The following MAP3K13 variants were observed in gnomAD, a reference collection of about 807,000 sequenced individuals.
The protein encoded by MAP3K13 is mitogen-activated protein kinase kinase kinase 13.
A neutral mutation model predicts 104.0 loss-of-function variants in MAP3K13; 52 were observed. The ratio of observed to expected loss-of-function variants is 0.50; its 90% CI spans 0.40 to 0.63. The LOEUF is 0.63. Among genes scored for constraint, MAP3K13 ranks in the 20% least tolerant of loss-of-function variants. The pLI, the probability that MAP3K13 is intolerant of heterozygous loss-of-function variation, is 0.00. For synonymous variants in MAP3K13, 394 were observed against 442.2 expected, an observed-to-expected ratio of 0.89 and a Z score of 1.37; for missense variants, 914 against 1,218.5, an observed-to-expected ratio of 0.75 and a Z score of 3.72.
intron 1 of MAP3K13, among the ~76,000 whole-genome samples, chr3:185,402,039 A>T (rs2108778143): frequency 6.6e-6 from 1 of 152,316 alleles, no homozygotes; most frequent in Non-Finnish European, 1.5e-5. Flanking sequence ...AGGAGATGCA[A>T]TCCATCCCCT....
intron 4 of MAP3K13, among the ~76,000 whole-genome samples, chr3:185,446,068 G>A (rs991160250): frequency 2.0e-5 from 3 of 152,154 alleles, no homozygotes; most frequent in African/African-American, 7.2e-5. Context: ...ACCAGGGCAT[G>A]GAGGATGGTA....
At chr3:185,324,458 C>A (rs1387349889) in intron 2 of MAP3K13, among the ~76,000 whole-genome samples, 1 of 151,990 alleles carries the variant, frequency 6.6e-6, no homozygotes, top group Non-Finnish European at 1.5e-5. Context: ...TGATTCCTCC[C>A]ATTTTCTGAT....
At chr3:185,405,393 CGTT>C (rs1367707385) in intron 1 of MAP3K13, among the ~76,000 whole-genome samples, 1 of 152,200 alleles carries the variant, frequency 6.6e-6, no homozygotes, top group Non-Finnish European at 1.5e-5. Flanking sequence ...AAAAGAGACT[CGTT>C]AGCCCAGCAT....
At chr3:185,333,347 T>G (rs761172445) in intron 2 of MAP3K13, among the ~76,000 whole-genome samples, 5 of 152,148 alleles carry the variant, frequency 3.3e-5, no homozygotes, top group Non-Finnish European at 7.3e-5. Flanking sequence ...GATGAGATGA[T>G]GTATATTAGA....
chr3:185,483,964 G>A lies in MAP3K13; in HGVS notation c.*1508G>A, dbSNP rs62290235. On this transcript the variant is annotated 3_prime_UTR_variant, in exon 14 of 14. Transcript: ENST00000265026. ...TGACCTCAGGTGATCCGCCTGCCTCGGCCTCCCAAAGTGCTGGGATTACAG... is the reference window on the plus strand; with the variant it reads ...TGACCTCAGGTGATCCGCCTGCCTCAGCCTCCCAAAGTGCTGGGATTACAG... 0.46 allele frequency: 70,349 copies of A among 151,638 alleles called. 16,596 individuals are homozygous for A. The highest frequency in any genetic ancestry group is 0.52 in the Middle Eastern group (152 of 292). 9.4% of individuals were successfully genotyped at this position (151,638 alleles called of 1,614,324 possible).
At chr3:185,321,592 G>GT (rs1721871655) in intron 2 of MAP3K13, among the ~76,000 whole-genome samples, 1 of 151,982 alleles carries the variant, frequency 6.6e-6, no homozygotes, top group Admixed American at 6.6e-5. Context: ...AAGTAACCGA[G>GT]TTTTTTGATG....
intron 1 of MAP3K13, among the ~76,000 whole-genome samples, chr3:185,396,386 A>ATAAT (rs1388199841): frequency 6.6e-6 from 1 of 152,066 alleles, no homozygotes; most frequent in Non-Finnish European, 1.5e-5. Flanking sequence ...AAATAAATAA[A>ATAAT]TAATTAAAAA....
At position 185,343,422 on chromosome 3, in the gene MAP3K13, G is replaced by C. The variant is rs911241053; in HGVS notation, c.-86+57779G>C. Reference sequence around the variant, plus strand: ...TGTTTTTATTTTTTTCCTCCTCTGTGCTGCAAACGGACGACTCTCAGCAGG... The same window carrying C: ...TGTTTTTATTTTTTTCCTCCTCTGTCCTGCAAACGGACGACTCTCAGCAGG... On this transcript the variant is annotated intron_variant, in intron 2 of 14. Transcript: ENST00000424227. Among the ~76,000 whole-genome samples, 30 of 152,208 alleles carry C rather than the reference G, an allele frequency of 2.0e-4. 1 individual carries two copies. Among genetic ancestry groups the C allele is most frequent in the African/African-American group, 7.0e-4 (29 of 41,526 alleles).
At chr3:185,477,607 A>C (rs974876064) in intron 12 of MAP3K13, among the ~76,000 whole-genome samples, 2 of 152,204 alleles carry the variant, frequency 1.3e-5, no homozygotes, top group African/African-American at 4.8e-5. Flanking sequence ...TTTTACAGCA[A>C]CTTCATGATG....
At chr3:185,295,529 A>G (rs773539801) in intron 2 of MAP3K13, among the ~76,000 whole-genome samples, 47 of 152,140 alleles carry the variant, frequency 3.1e-4, no homozygotes, top group Non-Finnish European at 5.7e-4. Context: ...CAGAGCAGAT[A>G]CTTTCTGCTT....
chr3:185,428,416 T>G (rs1235719491), intron 1 of MAP3K13, 81 bp from the exon 2 acceptor site: 1 of 886,304 alleles, frequency 1.1e-6, no homozygotes, highest in African/African-American at 1.7e-5. Flanking sequence ...ATTGTTTCAG[T>G]TTTTTTTAAT....
Position 185,417,849 on chromosome 3 carries a change from A to G in MAP3K13, c.-85-10648A>G, listed in dbSNP as rs151323593. On this transcript the variant is annotated intron_variant, in intron 1 of 13. Transcript: ENST00000265026. The stretch of plus-strand genomic sequence containing the variant: ...GTGGGTTCTTCTTTAGGACTCTGCG[A>G]TGAATCTTCTTGCGTGGTGCTCAAA... 1,590 of 1,608,036 alleles carry G rather than the reference A, an allele frequency of 9.9e-4. 16 individuals are homozygous for G. The African/African-American group carries it at 0.019, about 19-fold the overall frequency.
In MAP3K13 at chr3:185,447,799, AC is replaced by A; in HGVS notation, c.865del (p.His289ThrfsTer5). On this transcript the variant is annotated frameshift_variant, in exon 5 of 14. Transcript: ENST00000265026. LOFTEE classifies it high-confidence loss of function. ...RDLKSPNVLV[T>X]HTDAVKISDF... The stretch of plus-strand genomic sequence containing the variant: ...TATTTCTTTTTAAAGTGTTTTAGTG[AC>A]CCACACAGATGCGGTAAAAATTTCA... The A allele has an allele frequency of 6.2e-7, 1 of 1,606,874 alleles. No individual in the cohort carries two copies. Among genetic ancestry groups the A allele is most frequent in the Non-Finnish European group, 8.5e-7 (1 of 1,177,810 alleles).
intron 10 of MAP3K13, among the ~76,000 whole-genome samples, chr3:185,471,462 T>TTC: frequency 1.0e-5 from 1 of 96,082 alleles, no homozygotes; most frequent in East Asian, 2.3e-4. Context: ...TTTTTTTTTT[T>TTC]TTTTTTTTTT....
rs1167954477 is a variant in MAP3K13 at position 185,485,404 on chromosome 3, C to T, written c.*2948C>T. On this transcript the variant is annotated 3_prime_UTR_variant, in exon 14 of 14. Coordinates refer to ENST00000265026, the MANE Select transcript of MAP3K13 (RefSeq NM_004721.5). Reference sequence around the variant, plus strand: ...TTTTCATGGTTTCAGTTACGCTCAACAGCAGTCCAAAAATATTTGATGGAA... The same window carrying T: ...TTTTCATGGTTTCAGTTACGCTCAATAGCAGTCCAAAAATATTTGATGGAA... 1 of 152,210 alleles carries T rather than the reference C, an allele frequency of 6.6e-6. No individual in the cohort carries two copies. Among genetic ancestry groups the T allele is most frequent in the Non-Finnish European group, 1.5e-5 (1 of 68,038 alleles). 9.4% of individuals were successfully genotyped at this position (152,210 alleles called of 1,614,324 possible). A position where few individuals can be genotyped will look rare whatever the true frequency, so the allele number is the denominator to read the frequency against.
intron 7 of MAP3K13, among the ~76,000 whole-genome samples, chr3:185,459,455 A>ATT (rs1054832562): frequency 6.6e-6 from 1 of 151,476 alleles, no homozygotes; most frequent in Non-Finnish European, 1.5e-5. Context: ...ATTAAAAAAA[A>ATT]TTTTTTTTTG....
chr3:185,436,185 TATA>T (rs1299703932), intron 2 of MAP3K13, among the ~76,000 whole-genome samples: 1 of 152,218 alleles, frequency 6.6e-6, no homozygotes, highest in East Asian at 1.9e-4. Flanking sequence ...TTTTATTCAT[TATA>T]AAAGTGATAT....
chr3:185,448,540 A>G (rs1715714381), intron 5 of MAP3K13, among the ~76,000 whole-genome samples: 2 of 152,212 alleles, frequency 1.3e-5, no homozygotes, highest in Non-Finnish European at 2.9e-5. Context: ...AAAATTGGCA[A>G]CTAGTAACTT....
chr3:185,384,934 G>A (rs1295644478), intron 1 of MAP3K13, among the ~76,000 whole-genome samples: 4 of 152,140 alleles, frequency 2.6e-5, no homozygotes, highest in African/African-American at 7.2e-5. Context: ...TTGCTGTGTA[G>A]AAGTTTTTAA....
Sources: allele counts gnomAD v4.1 joint callset (sites outside exome capture counted in the v4.1 genomes callset), GRCh38; gene constraint gnomAD v4.1.1; transcripts MANE v1.5; gene names NCBI Gene and HGNC (gene_info 2026-07-23, HGNC 2026-07-21).